CCNY: variants seen among roughly 807,000 people sequenced by gnomAD.
CCNY encodes the protein cyclin-Y.
Under a neutral mutation model 42.8 loss-of-function variants are expected in CCNY, and 19 were observed. The ratio of observed to expected loss-of-function variants is 0.44; its 90% CI spans 0.31 to 0.65. The LOEUF is 0.65. Ranked by LOEUF, CCNY falls within the 30% of genes least tolerant of loss-of-function variation. The pLI is 0.07. For synonymous variants in CCNY, 165 were observed against 162.7 expected, an observed-to-expected ratio of 1.01 and a Z score of -0.11; for missense variants, 370 against 437.3, an observed-to-expected ratio of 0.85 and a Z score of 1.37.
chr10:35,468,312 A>T (rs1342618020), intron 1 of CCNY, among the ~76,000 whole-genome samples: 3 of 152,018 alleles, frequency 2.0e-5, no homozygotes, highest in African/African-American at 7.2e-5. Flanking sequence ...ACCTCCAAAT[A>T]CTGTCACACT....
chr10:35,421,264 C>T (rs963696732), intron 1 of CCNY, among the ~76,000 whole-genome samples: 3 of 152,162 alleles, frequency 2.0e-5, no homozygotes, highest in African/African-American at 7.2e-5. Context: ...GTTTCAGGGC[C>T]CTTTTGTTAC....
chr10:35,562,986 G>A (rs1406346315), intron 8 of CCNY, among the ~76,000 whole-genome samples: 1 of 151,216 alleles, frequency 6.6e-6, no homozygotes, highest in African/African-American at 2.4e-5. Flanking sequence ...GTTTTTGTTG[G>A]TCGACTTGAA....
chr10:35,427,024 T>C (rs1838287630), intron 1 of CCNY, among the ~76,000 whole-genome samples: 1 of 152,238 alleles, frequency 6.6e-6, no homozygotes, highest in South Asian at 2.1e-4. Flanking sequence ...TTAGTACACT[T>C]TTTAAAAGTA....
intron 1 of CCNY, among the ~76,000 whole-genome samples, chr10:35,455,825 T>TTTTTTA (rs1286707783): frequency 8.0e-5 from 8 of 99,776 alleles, no homozygotes; most frequent in African/African-American, 3.0e-4. Flanking sequence ...TTTTTTTTTT[T>TTTTTTA]AAAAAAAGAA....
intron 2 of CCNY, among the ~76,000 whole-genome samples, chr10:35,497,967 T>C (rs1840034647): frequency 6.6e-6 from 1 of 152,018 alleles, no homozygotes; most frequent in African/African-American, 2.4e-5. Context: ...CACCACTGCT[T>C]TATGGGGGTC....
chr10:35,406,480 C>T (rs895605367), intron 1 of CCNY, among the ~76,000 whole-genome samples: 8 of 152,004 alleles, frequency 5.3e-5, no homozygotes, highest in South Asian at 2.1e-4. Context: ...GCACATCTTG[C>T]ACCGCCCTTA....
rs546732281 is a variant in CCNY, at chr10:35,455,660, C to G, written c.155-27744C>G. On this transcript the variant is annotated intron_variant, in intron 1 of 9. Coordinates refer to ENST00000374704, the MANE Select transcript of CCNY (RefSeq NM_145012.6). The stretch of plus-strand genomic sequence containing the variant: ...CTGTCTCCTCTTCCCTTCCTCTCCC[C>G]TTTTCTCTCTGGGTCTTGAGAGAAC... 2.0e-4 allele frequency among the ~76,000 whole-genome samples: 31 copies of G among 152,268 alleles called. 1 individual carries two copies. In the East Asian group the frequency reaches 5.8e-3, roughly 28 times the overall value.
At position 35,359,458 on chromosome 10, in the gene CCNY, A is replaced by G. The variant is rs1358340620; in HGVS notation, c.154+22251A>G. Among the ~76,000 whole-genome samples, 3 of 152,230 alleles carry G rather than the reference A, an allele frequency of 2.0e-5. No individual in the cohort carries two copies. In the East Asian group the frequency reaches 5.8e-4, roughly 29 times the overall value. ...GTTTAAAAAACAAATTTGTGGTATA[A>G]TATAACATCAAATTTACCATTTTAA... On this transcript the variant is annotated intron_variant, in intron 1 of 9. Transcript: ENST00000374704.
intron 3 of CCNY, among the ~76,000 whole-genome samples, chr10:35,306,532 G>T (rs1198276895): frequency 6.6e-6 from 1 of 152,146 alleles, no homozygotes; most frequent in Non-Finnish European, 1.5e-5. Context: ...GACCAAGAAG[G>T]CACAAGGGCA....
At chr10:35,332,005 A>G (rs992556263), upstream of CCNY, among the ~76,000 whole-genome samples, 5 of 152,292 alleles carry the variant, frequency 3.3e-5, no homozygotes, top group South Asian at 4.1e-4. Flanking sequence ...CAAAAATGTT[A>G]TCCAGAAATG....
chr10:35,413,776 G>A (rs763041080), intron 1 of CCNY, among the ~76,000 whole-genome samples: 1 of 152,168 alleles, frequency 6.6e-6, no homozygotes, highest in Non-Finnish European at 1.5e-5. Context: ...TGGGAATATC[G>A]GGAGTTGAGG....
chr10:35,521,917 G>A (rs571715789), intron 4 of CCNY, among the ~76,000 whole-genome samples: 2 of 152,172 alleles, frequency 1.3e-5, no homozygotes, highest in African/African-American at 4.8e-5. Context: ...GAGGAGTGCT[G>A]CAAAAACAAG....
intron 2 of CCNY, among the ~76,000 whole-genome samples, chr10:35,248,441 C>T (rs2095709692): frequency 6.6e-6 from 1 of 151,496 alleles, no homozygotes; most frequent in South Asian, 2.1e-4. Context: ...GTCAGGAGTT[C>T]AAGACCAGCC....
intron 1 of CCNY, among the ~76,000 whole-genome samples, chr10:35,400,438 C>T (rs149798266): frequency 6.6e-6 from 1 of 152,078 alleles, no homozygotes; most frequent in Non-Finnish European, 1.5e-5. Flanking sequence ...TGCTTCACGT[C>T]GTGGAATGGA....
intron 3 of CCNY, among the ~76,000 whole-genome samples, chr10:35,259,888 C>T (rs2095718325): frequency 1.6e-5 from 2 of 127,598 alleles, no homozygotes; most frequent in South Asian, 4.8e-4. Context: ...AATCAAACAA[C>T]ATACTTTTTT....
chr10:35,561,135 A>G (rs1009083903), intron 8 of CCNY, among the ~76,000 whole-genome samples: 4 of 152,208 alleles, frequency 2.6e-5, no homozygotes, highest in Non-Finnish European at 5.9e-5. Flanking sequence ...TGGGTGTCCC[A>G]GAATGAGGGA....
At chr10:35,439,245 G>T (rs1420227301) in intron 1 of CCNY, among the ~76,000 whole-genome samples, 1 of 152,078 alleles carries the variant, frequency 6.6e-6, no homozygotes, top group Non-Finnish European at 1.5e-5. Context: ...GAGAATGTTA[G>T]TTCTTTTTTC....
intron 1 of CCNY, among the ~76,000 whole-genome samples, chr10:35,430,665 G>C (rs914074855): frequency 6.6e-6 from 1 of 152,074 alleles, no homozygotes; most frequent in African/African-American, 2.4e-5. Context: ...ATGTCCATTG[G>C]AATTGAGGAT....
intron 1 of CCNY, among the ~76,000 whole-genome samples, chr10:35,473,947 C>T (rs1003507151): frequency 6.6e-5 from 10 of 152,124 alleles, no homozygotes; most frequent in South Asian, 4.1e-4. Context: ...GCGCACCATG[C>T]GCGAGCCGAA....
Sources: gnomAD v4.1 joint callset for allele counts (sites outside exome capture counted in the v4.1 genomes callset) on GRCh38, gnomAD v4.1.1 for gene constraint, MANE v1.5 for transcripts, NCBI Gene and HGNC (gene_info 2026-07-23, HGNC 2026-07-21) for gene names.